Variants in SLC6A3 observed in about 807,000 individuals in gnomAD.
SLC6A3 encodes the protein solute carrier family 6 member 3, also known as sodium-dependent dopamine transporter.
Under a neutral mutation model 70.4 loss-of-function variants are expected in SLC6A3, and 19 were observed. The observed-to-expected ratio is 0.27, with a 90% CI of 0.19 to 0.40. SLC6A3 has a LOEUF of 0.40. SLC6A3 is among the 10% of genes least tolerant of loss of function. The pLI is 1.00. For synonymous variants in SLC6A3, 368 were observed against 356.6 expected, an observed-to-expected ratio of 1.03 and a Z score of -0.36; for missense variants, 613 against 838.5, an observed-to-expected ratio of 0.73 and a Z score of 3.32.
chr5:1,415,760 C>T (rs564908784), intron 7 of SLC6A3, among the ~76,000 whole-genome samples: 24 of 152,120 alleles, frequency 1.6e-4, no homozygotes, highest in Non-Finnish European at 8.8e-5. Flanking sequence ...AGAGACCCCC[C>T]GGGGCTGGTG....
rs1216651050 is a variant in SLC6A3 at position 1,402,863 on chromosome 5, C to A, written c.1767+59G>T. Reference sequence around the variant, plus strand: ...AGGTGAGGACTGGGGCCATGGACACCCACGGAGCCTTTCTGGTGGCCTCAC... The same window carrying A: ...AGGTGAGGACTGGGGCCATGGACACACACGGAGCCTTTCTGGTGGCCTCAC... On this transcript the variant is annotated intron_variant, in intron 13 of 14. Transcript: ENST00000270349. The surrounding 1 kb of genome is among the most constrained non-coding windows in gnomAD (Gnocchi z 8.5). The A allele has an allele frequency of 5.8e-6, 9 of 1,564,344 alleles. No homozygotes were observed. Among genetic ancestry groups the A allele is most frequent in the African/African-American group, 1.4e-5 (1 of 73,772 alleles).
In SLC6A3 at chr5:1,419,987, G is replaced by A. The variant is rs553855936; in HGVS notation, c.927+582C>T. 3.3e-5 allele frequency among the ~76,000 whole-genome samples: 5 copies of A among 152,160 alleles called. No individual in the cohort carries two copies. The East Asian group carries it at 7.7e-4, about 23-fold the overall frequency. ...ATGACCCCCAGACCTGGCTCCACCGGCCCACCCACACAGGGCAGCACCTCT... is the reference window on the plus strand; with the variant it reads ...ATGACCCCCAGACCTGGCTCCACCGACCCACCCACACAGGGCAGCACCTCT... On this transcript the variant is annotated intron_variant, in intron 6 of 14. Coordinates refer to ENST00000270349, the MANE Select transcript of SLC6A3 (RefSeq NM_001044.5).
chr5:1,441,399 T>C lies in SLC6A3; in HGVS notation c.378A>G (p.Glu126=), dbSNP rs779388606. 2 of 1,614,240 alleles carry C rather than the reference T, an allele frequency of 1.2e-6. No individual in the cohort carries two copies. Among genetic ancestry groups the C allele is most frequent in the Admixed American group, 3.3e-5 (2 of 60,030 alleles). Residue 126 remains glutamate (E), a synonymous_variant, in exon 3 of 15, where the codon GAA becomes GAG. Transcript: ENST00000270349. The part of the protein sequence containing the change: ...MELALGQFNR[E]GAAGVWKICP... The stretch of plus-strand genomic sequence containing the variant: ...AGATCTTCCAGACACCAGCGGCCCC[T>C]TCCCTGTTGAACTGGCCGAGGGCCA...
At chr5:1,410,736 C>T (rs1169212559) in intron 9 of SLC6A3, among the ~76,000 whole-genome samples, 1 of 152,190 alleles carries the variant, frequency 6.6e-6, no homozygotes. Context: ...CAAGGCCCCA[C>T]CACTCTGGTG....
At chr5:1,412,852 G>A (rs558339142) in intron 8 of SLC6A3, among the ~76,000 whole-genome samples, 1 of 152,318 alleles carries the variant, frequency 6.6e-6, no homozygotes, top group East Asian at 1.9e-4. Flanking sequence ...AAGCAGCGGG[G>A]TCAGACCTGG....
chr5:1,406,342 G>T lies in SLC6A3; in HGVS notation c.1499-54C>A. On this transcript the variant is annotated intron_variant, in intron 11 of 14. Coordinates refer to ENST00000270349, the MANE Select transcript of SLC6A3 (RefSeq NM_001044.5). The surrounding 1 kb of genome is among the most constrained non-coding windows in gnomAD (Gnocchi z 8.8). ...CATCAGGGCAGCGCATTCCCCCGAT[G>T]CTGGACACGTGTGGGGGTCCTCGCT... 1 of 1,448,968 alleles carries T rather than the reference G, an allele frequency of 6.9e-7. No individual in the cohort carries two copies. The highest frequency in any genetic ancestry group is 9.7e-7 in the Non-Finnish European group (1 of 1,030,470). The allele number at this position is 1,448,968 out of a possible 1,614,324, so 89.8% of individuals were successfully genotyped here. A position where few individuals can be genotyped will look rare whatever the true frequency, so the allele number is the denominator to read the frequency against.
rs1756147739 is a variant in SLC6A3 at position 1,412,265 on chromosome 5, C to T, written c.1157-910G>A. Among the ~76,000 whole-genome samples, 3 of 152,220 alleles carry T rather than the reference C, an allele frequency of 2.0e-5. No individual in the cohort carries two copies. In the South Asian group the frequency reaches 6.2e-4, roughly 31 times the overall value. ...GTAGAGGAGTGTGTGGCTCCTTCAC[C>T]ACCTCCCCTGCCACGGGGTCCCGCA... On this transcript the variant is annotated intron_variant, in intron 8 of 14. Coordinates refer to ENST00000270349, the MANE Select transcript of SLC6A3 (RefSeq NM_001044.5).
Position 1,434,309 on chromosome 5 carries a change from C to T in SLC6A3, c.419-1611G>A, listed in dbSNP as rs142304945. On this transcript the variant is annotated intron_variant, in intron 3 of 14. Transcript: ENST00000270349. ...AAGGACTACTCAGAGCCATGTTTGACCTTCCGAGGCCTTCCAGGGCCATGC... is the reference window on the plus strand; with the variant it reads ...AAGGACTACTCAGAGCCATGTTTGATCTTCCGAGGCCTTCCAGGGCCATGC... Among the ~76,000 whole-genome samples, 901 of 152,302 alleles carry T rather than the reference C, an allele frequency of 5.9e-3. 14 individuals carry two copies. The highest frequency in any genetic ancestry group is 0.019 in the African/African-American group (810 of 41,552).
rs373567571 is a variant in SLC6A3 at position 1,409,105 on chromosome 5, C to T, written c.1419G>A (p.Thr473=). 79 of 1,611,610 alleles carry T rather than the reference C, an allele frequency of 4.9e-5. No homozygotes were observed. The highest frequency in any genetic ancestry group is 1.6e-4 in the Middle Eastern group (1 of 6,084). ...CVTNGGIYVF[T]LLDHFAAGTS... ...TGCCGGCTGCAAAATGGTCCAGGAG[C>T]GTGAAGACGTAGATGCCACCCTGGA... is the stretch of plus-strand genomic sequence containing the variant. The change falls in exon 11 of 15, where the codon ACG becomes ACA. Residue 473 remains threonine, a synonymous_variant. Coordinates refer to ENST00000270349, the MANE Select transcript of SLC6A3 (RefSeq NM_001044.5).
intron 1 of SLC6A3, among the ~76,000 whole-genome samples, chr5:1,444,932 C>T (rs548846353): frequency 6.6e-6 from 1 of 152,204 alleles, no homozygotes; most frequent in South Asian, 2.1e-4. Context: ...CAGACAAAGC[C>T]CCCGCGAGAT....
At chr5:1,395,100 C>T (rs1328453519) in intron 14 of SLC6A3, among the ~76,000 whole-genome samples, 3 of 152,206 alleles carry the variant, frequency 2.0e-5, no homozygotes, top group Non-Finnish European at 4.4e-5. Flanking sequence ...GGGCTGGTTC[C>T]AGATTGTACC....
At position 1,401,998 on chromosome 5, in the gene SLC6A3, G is replaced by T. The variant is rs867105588; in HGVS notation, c.1767+924C>A. Among the ~76,000 whole-genome samples the T allele has an allele frequency of 6.6e-6, 1 of 152,328 alleles. No individual in the cohort carries two copies. Among genetic ancestry groups the T allele is most frequent in the East Asian group, 1.9e-4 (1 of 5,154 alleles). On this transcript the variant is annotated intron_variant, in intron 13 of 14. Coordinates refer to ENST00000270349, the MANE Select transcript of SLC6A3 (RefSeq NM_001044.5). The surrounding 1 kb of genome is among the most constrained non-coding windows in gnomAD (Gnocchi z 6.1). ...CTGTGCTTTGCCTGCACTGGGCCTTGGCCTGGCCAGGCTGCTGGAGAGACT... is the reference window on the plus strand; with the variant it reads ...CTGTGCTTTGCCTGCACTGGGCCTTTGCCTGGCCAGGCTGCTGGAGAGACT...
intron 3 of SLC6A3, among the ~76,000 whole-genome samples, chr5:1,434,765 T>G (rs1438995178): frequency 6.6e-6 from 1 of 152,244 alleles, no homozygotes; most frequent in Non-Finnish European, 1.5e-5. Flanking sequence ...AGGTGACTTT[T>G]GCAGGGGGTG....
rs1202334100 is a variant in SLC6A3 at position 1,443,061 on chromosome 5, G to A, written c.137C>T (p.Thr46Ile). The change falls in exon 2 of 15, where the codon ACC (threonine) becomes ATC (isoleucine). Residue 46 changes from threonine to isoleucine, a missense_variant. Thr to Ile is a moderately conservative substitution (Grantham distance 89). Transcript: ENST00000270349. ...GGGGCTCTGCCGCGGGTTGGTGAGG[G>A]TGGAGCTGGTGAGCTGCACTCCGTT... The part of the protein sequence containing the change: ...EQNGVQLTSS[T>I]LTNPRQSPVE... 6.2e-7 allele frequency: 1 copy of A among 1,614,248 alleles called. No individual in the cohort carries two copies. The highest frequency in any genetic ancestry group is 8.5e-7 in the Non-Finnish European group (1 of 1,180,044).
At chr5:1,418,226 G>T (rs534538000) in intron 6 of SLC6A3, among the ~76,000 whole-genome samples, 4 of 152,248 alleles carry the variant, frequency 2.6e-5, no homozygotes, top group South Asian at 4.1e-4. Flanking sequence ...ACCCTGATCT[G>T]TGTGTGCAGC....
At chr5:1,414,283 C>T (rs996169313) in intron 8 of SLC6A3, among the ~76,000 whole-genome samples, 37 of 148,196 alleles carry the variant, frequency 2.5e-4, no homozygotes, top group Admixed American at 2.2e-3. Flanking sequence ...GTGGCATCTG[C>T]AGGGAGCAGT....
chr5:1,430,306 C>T (rs893940452), intron 4 of SLC6A3, among the ~76,000 whole-genome samples: 6 of 152,202 alleles, frequency 3.9e-5, no homozygotes, highest in Non-Finnish European at 7.3e-5. Context: ...GCCCACACAA[C>T]GCTCACCCCA....
Position 1,396,852 on chromosome 5 carries a change from G to A in SLC6A3, c.1840-2094C>T, listed in dbSNP as rs1420945227. ...CTGAAGCCAAATAATACACTTTTTA[G>A]GAAGCTAGAAATATCTAGAGATGCA... is the stretch of plus-strand genomic sequence containing the variant. On this transcript the variant is annotated intron_variant, in intron 14 of 14. Transcript: ENST00000270349. This position sits in a 1 kb window ranked among gnomAD's most constrained non-coding sequence, Gnocchi z 7.0. Among the ~76,000 whole-genome samples the A allele has an allele frequency of 6.6e-6, 1 of 152,166 alleles. No homozygotes were observed. Among genetic ancestry groups the A allele is most frequent in the East Asian group, 1.9e-4 (1 of 5,196 alleles).
chr5:1,414,424 A>AGGGTCAGGGCAGG (rs1756210558), intron 8 of SLC6A3, among the ~76,000 whole-genome samples: 1 of 25,738 alleles, frequency 3.9e-5, no homozygotes, highest in African/African-American at 1.2e-4. Flanking sequence ...GGCAGGGCGG[A>AGGGTCAGGGCAGG]GAAGGCACTG....
Sources: gnomAD v4.1 joint callset for allele counts (sites outside exome capture counted in the v4.1 genomes callset) on GRCh38, gnomAD v4.1.1 for gene constraint, Gnocchi (gnomAD v3.1) non-coding constraint, MANE v1.5 for transcripts, NCBI Gene and HGNC (gene_info 2026-07-23, HGNC 2026-07-21) for gene names.